The following CTNNA2 variants were observed in gnomAD, a reference collection of about 807,000 sequenced individuals.
CTNNA2 encodes catenin alpha-2.
A neutral mutation model predicts 101.0 loss-of-function variants in CTNNA2; 42 were observed. That is an observed-to-expected ratio of 0.42 (90% CI 0.32 to 0.54). The LOEUF is 0.54. CTNNA2 is among the 20% of genes least tolerant of loss of function. CTNNA2 has a pLI of 0.14. For synonymous variants in CTNNA2, 450 were observed against 456.4 expected (o/e 0.99, Z 0.18); for missense variants, 871 against 1,223.1 (o/e 0.71, Z 4.29).
At chr2:80,146,072 T>A (rs1703314018) in intron 7 of CTNNA2, among the ~76,000 whole-genome samples, 1 of 152,190 alleles carries the variant, frequency 6.6e-6, no homozygotes, top group Admixed American at 6.5e-5. Flanking sequence ...TCTCTTGGAA[T>A]ATCATTGCAA....
chr2:80,373,099 A>G (rs1675605906), intron 7 of CTNNA2, among the ~76,000 whole-genome samples: 1 of 152,162 alleles, frequency 6.6e-6, no homozygotes, highest in South Asian at 2.1e-4. Flanking sequence ...TGATCATTCT[A>G]GGAGTCTCAG....
chr2:79,578,868 G>A (rs905380726), intron 1 of CTNNA2, among the ~76,000 whole-genome samples: 2 of 151,548 alleles, frequency 1.3e-5, no homozygotes, highest in Non-Finnish European at 2.9e-5. Context: ...CTTAAATGTG[G>A]GGCCTCTAAA....
intron 7 of CTNNA2, among the ~76,000 whole-genome samples, chr2:80,087,915 TACAACTGAA>T: frequency 6.6e-6 from 1 of 152,126 alleles, no homozygotes; most frequent in African/African-American, 2.4e-5. Flanking sequence ...CTATCTTTGA[TACAACTGAA>T]AATAGTCCTG....
intron 7 of CTNNA2, among the ~76,000 whole-genome samples, chr2:80,096,567 C>T (rs1700166513): frequency 1.3e-5 from 2 of 152,070 alleles, no homozygotes; most frequent in African/African-American, 4.8e-5. Context: ...TCCTTGTTAA[C>T]TTTCTGTCTT....
intron 7 of CTNNA2, among the ~76,000 whole-genome samples, chr2:80,075,232 A>C (rs1488428493): frequency 6.6e-6 from 1 of 151,978 alleles, no homozygotes; most frequent in Non-Finnish European, 1.5e-5. Context: ...CCATATTCCT[A>C]AGCCATCCAT....
intron 7 of CTNNA2, among the ~76,000 whole-genome samples, chr2:80,193,056 G>A (rs1706618911): frequency 2.0e-5 from 3 of 152,160 alleles, no homozygotes; most frequent in Non-Finnish European, 4.4e-5. Context: ...TCAATTCTCA[G>A]TGACTAACCT....
chr2:79,953,607 C>A, intron 7 of CTNNA2, among the ~76,000 whole-genome samples: 1 of 152,180 alleles, frequency 6.6e-6, no homozygotes, highest in South Asian at 2.1e-4. Context: ...CACAGACAGG[C>A]GATTATTGGG....
intron 2 of CTNNA2, among the ~76,000 whole-genome samples, chr2:79,221,065 C>T (rs894707305): frequency 1.3e-5 from 2 of 152,180 alleles, no homozygotes; most frequent in South Asian, 4.2e-4. Flanking sequence ...TTCTAGAAAG[C>T]AAGTCAATTA....
chr2:80,145,189 T>C (rs1181876466), intron 7 of CTNNA2, among the ~76,000 whole-genome samples: 1 of 152,178 alleles, frequency 6.6e-6, no homozygotes, highest in African/African-American at 2.4e-5. Context: ...ATAAATGATC[T>C]ATATAAAATC....
At chr2:79,472,003 A>T (rs984063878) in intron 4 of CTNNA2, among the ~76,000 whole-genome samples, 1 of 152,168 alleles carries the variant, frequency 6.6e-6, no homozygotes, top group Non-Finnish European at 1.5e-5. Context: ...TCAAGACAAG[A>T]ATATAAAGTT....
chr2:79,922,517 A>C lies in CTNNA2; in HGVS notation c.1056+12720A>C, dbSNP rs1339138846. ...TTCTCTGACCTTCTCTTCTTATTAC[A>C]GACATTGCCTTTTTTTTTCCACCGC... is the stretch of plus-strand genomic sequence containing the variant. On this transcript the variant is annotated intron_variant, in intron 7 of 18. Transcript: ENST00000402739. Among the ~76,000 whole-genome samples the C allele has an allele frequency of 3.3e-5, 5 of 152,200 alleles. No homozygotes were observed. The East Asian group carries it at 9.7e-4, about 29-fold the overall frequency.
At chr2:79,307,401 G>A (rs1247408989) in intron 2 of CTNNA2, among the ~76,000 whole-genome samples, 1 of 151,916 alleles carries the variant, frequency 6.6e-6, no homozygotes, top group Non-Finnish European at 1.5e-5. Flanking sequence ...TCTACCTTTA[G>A]TATCCTCTAT....
At chr2:79,323,393 G>A (rs993647371) in intron 3 of CTNNA2, among the ~76,000 whole-genome samples, 7 of 152,076 alleles carry the variant, frequency 4.6e-5, no homozygotes, top group Admixed American at 2.0e-4. Context: ...AAGAGTCTAC[G>A]TAACTTGCAC....
At chr2:79,286,354 G>A (rs1675580988) in intron 2 of CTNNA2, among the ~76,000 whole-genome samples, 1 of 152,136 alleles carries the variant, frequency 6.6e-6, no homozygotes, top group South Asian at 2.1e-4. Flanking sequence ...AGTCTTGATG[G>A]TCTTTATATT....
Position 80,302,896 on chromosome 2 carries a change from G to A in CTNNA2, c.1057-90315G>A, listed in dbSNP as rs767130615. ...CCCACAGGTTCCCGGCCAGGGTGATGCTTGTCAGGGACTTCCAAGAGTTGA... is the reference window on the plus strand; with the variant it reads ...CCCACAGGTTCCCGGCCAGGGTGATACTTGTCAGGGACTTCCAAGAGTTGA... On this transcript the variant is annotated intron_variant, in intron 7 of 18. Transcript: ENST00000402739. This position sits in a 1 kb window ranked among gnomAD's most constrained non-coding sequence, Gnocchi z 6.4. The A allele has an allele frequency of 7.4e-6, 12 of 1,614,056 alleles. No individual in the cohort carries two copies. Among genetic ancestry groups the A allele is most frequent in the African/African-American group, 1.3e-5 (1 of 74,938 alleles).
At chr2:80,248,921 GA>G (rs1355006355) in intron 7 of CTNNA2, among the ~76,000 whole-genome samples, 1 of 152,162 alleles carries the variant, frequency 6.6e-6, no homozygotes, top group Non-Finnish European at 1.5e-5. Context: ...TAAGGGAGGT[GA>G]AGGAATATTG....
intron 9 of CTNNA2, among the ~76,000 whole-genome samples, chr2:80,460,486 G>T (rs1684335191): frequency 6.6e-6 from 1 of 152,142 alleles, no homozygotes; most frequent in Non-Finnish European, 1.5e-5. Flanking sequence ...AAAAGCTGGA[G>T]AAGCAGTTAG....
intron 7 of CTNNA2, among the ~76,000 whole-genome samples, chr2:80,184,857 T>C (rs1287567351): frequency 6.6e-6 from 1 of 152,222 alleles, no homozygotes; most frequent in Non-Finnish European, 1.5e-5. Flanking sequence ...TTTCCAATGA[T>C]TGGCTTTATC....
intron 9 of CTNNA2, among the ~76,000 whole-genome samples, chr2:80,539,727 G>A (rs942512611): frequency 2.0e-5 from 3 of 152,164 alleles, no homozygotes; most frequent in Non-Finnish European, 4.4e-5. Flanking sequence ...AAGTTAAGAA[G>A]GAGAGCTTTC....
Sources: allele counts gnomAD v4.1 joint callset (sites outside exome capture counted in the v4.1 genomes callset), GRCh38; gene constraint gnomAD v4.1.1; non-coding constraint Gnocchi (gnomAD v3.1); transcripts MANE v1.5; gene names NCBI Gene and HGNC (gene_info 2026-07-23, HGNC 2026-07-21).